The following AKT3 variants were observed in gnomAD, a reference collection of about 807,000 sequenced individuals.
AKT3 encodes the protein AKT serine/threonine kinase 3, also known as RAC-gamma serine/threonine-protein kinase.
A neutral mutation model predicts 65.3 loss-of-function variants in AKT3; 15 were observed. The observed-to-expected ratio is 0.23, with a 90% CI of 0.15 to 0.35. The LOEUF is 0.35. AKT3 is among the 10% of genes least tolerant of loss of function. The probability of loss-of-function intolerance (pLI) is 1.00; values close to 1 mark genes in which losing one functional copy is unlikely to be tolerated. For synonymous variants in AKT3, 206 were observed against 183.8 expected (o/e 1.12, Z -0.98); for missense variants, 243 against 576.5 (o/e 0.42, Z 5.92).
At chr1:243,510,683 G>A (rs1217301884) in intron 13 of AKT3, among the ~76,000 whole-genome samples, 1 of 152,220 alleles carries the variant, frequency 6.6e-6, no homozygotes, top group Non-Finnish European at 1.5e-5. Context: ...GGGACAGTGG[G>A]GGAAGATGGA....
chr1:243,668,277 T>C (rs900898866), intron 3 of AKT3, among the ~76,000 whole-genome samples: 1 of 152,292 alleles, frequency 6.6e-6, no homozygotes, highest in East Asian at 1.9e-4. Context: ...TGTACCTATA[T>C]AAGCAAGAAG....
chr1:243,740,845 T>G (rs570257220), intron 2 of AKT3: 1 of 152,338 alleles, frequency 6.6e-6, no homozygotes, highest in Non-Finnish European at 1.5e-5. Flanking sequence ...ACTCTTCATT[T>G]TGTATCTGGT....
Position 243,502,648 on chromosome 1 carries a change from T to C in AKT3, c.*2601A>G, listed in dbSNP as rs1413784532. On this transcript the variant is annotated 3_prime_UTR_variant, in exon 14 of 14. Coordinates refer to ENST00000673466, the MANE Select transcript of AKT3 (RefSeq NM_005465.7). The stretch of plus-strand genomic sequence containing the variant: ...TTTCTGGTTTTCTATTATTCCTCCA[T>C]GGCAGCTGACAGATCTGGAAGTGAA... 4.3e-6 allele frequency: 1 copy of C among 233,254 alleles called. No homozygotes were observed. 14.4% of individuals were successfully genotyped at this position (233,254 alleles called of 1,614,324 possible).
chr1:243,645,024 ATTAAC>A (rs1380362224), intron 5 of AKT3, among the ~76,000 whole-genome samples: 1 of 152,176 alleles, frequency 6.6e-6, no homozygotes, highest in Non-Finnish European at 1.5e-5. Flanking sequence ...GGAAAGGATA[ATTAAC>A]TTTATGTTGT....
At chr1:243,527,904 C>CTCCATCTCTTAAA (rs879369219) in intron 12 of AKT3, among the ~76,000 whole-genome samples, 16 of 115,756 alleles carry the variant, frequency 1.4e-4, no homozygotes, top group African/African-American at 6.5e-4. Flanking sequence ...CACACACACA[C>CTCCATCTCTTAAA]ACACACACAC....
At chr1:243,840,313 C>T (rs1475193093) in intron 2 of AKT3, among the ~76,000 whole-genome samples, 6 of 151,846 alleles carry the variant, frequency 4.0e-5, no homozygotes, top group African/African-American at 1.2e-4. Flanking sequence ...TGAGAACACA[C>T]GGACACAAGG....
intron 2 of AKT3, among the ~76,000 whole-genome samples, chr1:243,723,204 A>C (rs924772721): frequency 2.0e-5 from 3 of 152,156 alleles, no homozygotes; most frequent in Admixed American, 2.0e-4. Context: ...CCTCAGTCTC[A>C]CACTCAAATC....
chr1:243,505,082 ATG>A lies in AKT3; in HGVS notation c.*165_*166del. ...CAAAAACTGGAGTGTATTTGCGTGT[ATG>A]TGTGTTTTCATGAGGGTGAAAGGTG... On this transcript the variant is annotated 3_prime_UTR_variant, in exon 14 of 14. Transcript: ENST00000673466. 1 of 600,804 alleles carries A rather than the reference ATG, an allele frequency of 1.7e-6. No homozygotes were observed. Among genetic ancestry groups the A allele is most frequent in the Non-Finnish European group, 3.0e-6 (1 of 338,150 alleles). 37.2% of individuals were successfully genotyped at this position (600,804 alleles called of 1,614,324 possible).
chr1:243,838,333 T>C (rs185350885), intron 2 of AKT3, among the ~76,000 whole-genome samples: 2 of 152,258 alleles, frequency 1.3e-5, no homozygotes, highest in South Asian at 2.1e-4. Context: ...TGAGCTTCTC[T>C]AATGTACCAT....
intron 2 of AKT3, among the ~76,000 whole-genome samples, chr1:243,727,469 T>C (rs943343790): frequency 1.3e-5 from 2 of 151,972 alleles, no homozygotes; most frequent in Non-Finnish European, 2.9e-5. Flanking sequence ...TTTGTGGAGA[T>C]AGGGTCTTGC....
intron 2 of AKT3, among the ~76,000 whole-genome samples, chr1:243,709,518 T>C (rs1046511176): frequency 6.6e-6 from 1 of 151,894 alleles, no homozygotes; most frequent in Non-Finnish European, 1.5e-5. Flanking sequence ...TAGCATAACT[T>C]TGAATAAATT....
chr1:243,519,468 A>C (rs1258340914), intron 12 of AKT3, among the ~76,000 whole-genome samples: 1 of 152,214 alleles, frequency 6.6e-6, no homozygotes, highest in Non-Finnish European at 1.5e-5. Flanking sequence ...CAGTCAAAGC[A>C]ATATTGGACA....
intron 12 of AKT3, among the ~76,000 whole-genome samples, chr1:243,516,084 G>A (rs1433587078): frequency 6.6e-6 from 1 of 152,134 alleles, no homozygotes; most frequent in African/African-American, 2.4e-5. Flanking sequence ...AATTTGTATA[G>A]AACTGATAAT....
At chr1:243,793,256 T>A (rs918408517) in intron 2 of AKT3, 1 of 152,158 alleles carries the variant, frequency 6.6e-6, no homozygotes, top group Non-Finnish European at 1.5e-5. Context: ...TTTTAAAATT[T>A]TTTTTACATA....
intron 7 of AKT3, among the ~76,000 whole-genome samples, chr1:243,614,377 G>C (rs890946251): frequency 6.6e-6 from 1 of 152,056 alleles, no homozygotes; most frequent in Non-Finnish European, 1.5e-5. Flanking sequence ...GTTCCACTTT[G>C]GAAAGTCTAG....
At chr1:243,803,793 A>G (rs1692540344) in intron 2 of AKT3, among the ~76,000 whole-genome samples, 1 of 152,156 alleles carries the variant, frequency 6.6e-6, no homozygotes, top group African/African-American at 2.4e-5. Flanking sequence ...ATAACCCAGG[A>G]TCCAGACAAT....
chr1:243,799,425 G>A (rs1440266322), intron 2 of AKT3, among the ~76,000 whole-genome samples: 1 of 152,134 alleles, frequency 6.6e-6, no homozygotes, highest in Non-Finnish European at 1.5e-5. Flanking sequence ...ACAAAACTAT[G>A]GTTGTAAAAA....
At position 243,841,266 on chromosome 1, in the gene AKT3, C is replaced by T. The variant is rs534421451; in HGVS notation, c.46+1859G>A. ...TAATTAAACAGACTAAAGAATCATC[C>T]TAAACCTTTGATAAATATGTGGAGA... is the stretch of plus-strand genomic sequence containing the variant. On this transcript the variant is annotated intron_variant, in intron 2 of 13. Transcript: ENST00000673466. 3.6e-4 allele frequency among the ~76,000 whole-genome samples: 54 copies of T among 152,006 alleles called. No homozygotes were observed. The South Asian group carries it at 0.011, about 30-fold the overall frequency.
At chr1:243,636,155 GATACACAGTAGGTAGTAATA>G (rs1679954598) in intron 6 of AKT3, among the ~76,000 whole-genome samples, 1 of 152,092 alleles carries the variant, frequency 6.6e-6, no homozygotes, top group Non-Finnish European at 1.5e-5. Flanking sequence ...ACTGATGCTT[GATACACAGTAGGTAGTAATA>G]ATACACAGTA....
Sources: gnomAD v4.1 joint callset for allele counts (sites outside exome capture counted in the v4.1 genomes callset) on GRCh38, gnomAD v4.1.1 for gene constraint, MANE v1.5 for transcripts, NCBI Gene and HGNC (gene_info 2026-07-23, HGNC 2026-07-21) for gene names.